The following ELMO1 variants were observed in gnomAD, a reference collection of about 807,000 sequenced individuals.
ELMO1 encodes the protein engulfment and cell motility 1.
Under a neutral mutation model 98.9 loss-of-function variants are expected in ELMO1, and 26 were observed. That is an observed-to-expected ratio of 0.26 (90% CI 0.19 to 0.36). ELMO1 has a LOEUF of 0.36. Ranked by LOEUF, ELMO1 falls within the 10% of genes least tolerant of loss-of-function variation. The pLI, the probability that ELMO1 is intolerant of heterozygous loss-of-function variation, is 1.00. For missense variants in ELMO1, 627 were observed against 935.2 expected, an observed-to-expected ratio of 0.67 and a Z score of 4.30; for synonymous variants, 346 against 346.0, an observed-to-expected ratio of 1.00 and a Z score of 0.00.
chr7:37,190,433 T>A (rs756352265), intron 13 of ELMO1, among the ~76,000 whole-genome samples: 2 of 152,240 alleles, frequency 1.3e-5, no homozygotes, highest in Non-Finnish European at 2.9e-5. Context: ...CAGATGAAGC[T>A]AAGCATATAC....
chr7:36,876,248 G>C (rs1803949326), intron 19 of ELMO1, among the ~76,000 whole-genome samples: 1 of 152,056 alleles, frequency 6.6e-6, no homozygotes, highest in African/African-American at 2.4e-5. Context: ...GCTGGTGTGA[G>C]TTTTTCAGAG....
intron 13 of ELMO1, among the ~76,000 whole-genome samples, chr7:37,189,655 T>A (rs549487095): frequency 1.5e-3 from 234 of 152,312 alleles, no homozygotes; most frequent in African/African-American, 5.0e-3. Context: ...GCTTAAGCAA[T>A]GATCTCCCAA....
At chr7:37,374,390 A>G (rs1802241109) in intron 1 of ELMO1, among the ~76,000 whole-genome samples, 1 of 152,168 alleles carries the variant, frequency 6.6e-6, no homozygotes, top group Non-Finnish European at 1.5e-5. Flanking sequence ...GCTAAAACCT[A>G]TATATGCTAT....
intron 20 of ELMO1, among the ~76,000 whole-genome samples, chr7:36,866,689 T>G (rs2129037427): frequency 6.6e-6 from 1 of 152,334 alleles, no homozygotes; most frequent in Admixed American, 6.5e-5. Flanking sequence ...ACCATGGGTC[T>G]CATGGCACAA....
At chr7:37,211,765 G>A (rs957140659) in intron 12 of ELMO1, among the ~76,000 whole-genome samples, 1 of 152,192 alleles carries the variant, frequency 6.6e-6, no homozygotes, top group African/African-American at 2.4e-5. Flanking sequence ...GTTATCTGGA[G>A]CACGAATATT....
chr7:37,219,575 T>G (rs116160135), intron 10 of ELMO1, among the ~76,000 whole-genome samples: 2 of 152,122 alleles, frequency 1.3e-5, no homozygotes, highest in Admixed American at 1.3e-4. Flanking sequence ...AGTGAGAAAA[T>G]GGGCTTGGTG....
chr7:37,089,726 T>C (rs189609143), intron 15 of ELMO1, among the ~76,000 whole-genome samples: 9 of 152,328 alleles, frequency 5.9e-5, no homozygotes, highest in African/African-American at 2.2e-4. Context: ...CTTCAATTTG[T>C]TATGGTTTTC....
chr7:37,401,254 T>G (rs1490424853), intron 1 of ELMO1, among the ~76,000 whole-genome samples: 1 of 152,172 alleles, frequency 6.6e-6, no homozygotes, highest in Non-Finnish European at 1.5e-5. Context: ...TCAGCCCTCA[T>G]GCACAGATAA....
At chr7:37,213,549 C>G in intron 11 of ELMO1, 92 bp from the exon 12 acceptor site, 2 of 1,239,976 alleles carry the variant, frequency 1.6e-6, no homozygotes, top group Non-Finnish European at 1.1e-6. Flanking sequence ...ACAGTCTTCA[C>G]TGGGAGGTAT....
Position 36,944,141 on chromosome 7 carries a change from A to G in ELMO1, c.1438-49124T>C, listed in dbSNP as rs6966988. On this transcript the variant is annotated intron_variant, in intron 16 of 21. Coordinates refer to ENST00000310758, the MANE Select transcript of ELMO1 (RefSeq NM_014800.11). Reference sequence around the variant, plus strand: ...ACGTTACATAGATTAACTATTCCTCATGGCAACTTTCCCTATTTTAAACAT... The same window carrying G: ...ACGTTACATAGATTAACTATTCCTCGTGGCAACTTTCCCTATTTTAAACAT... Among the ~76,000 whole-genome samples the G allele has an allele frequency of 3.6e-3, 555 of 152,268 alleles. 5 individuals carry two copies. Among genetic ancestry groups the G allele is most frequent in the African/African-American group, 0.013 (531 of 41,532 alleles).
At chr7:37,033,276 G>A (rs1016443062) in intron 15 of ELMO1, 11 of 413,414 alleles carry the variant, frequency 2.7e-5, no homozygotes, top group Admixed American at 1.7e-4. Context: ...CCCCCTTCCA[G>A]GGGATCCTTG....
intron 16 of ELMO1, among the ~76,000 whole-genome samples, chr7:36,976,680 G>A (rs1250405633): frequency 6.6e-6 from 1 of 152,156 alleles, no homozygotes; most frequent in Non-Finnish European, 1.5e-5. Flanking sequence ...AGGTGAGCAG[G>A]GGCCTTTCTT....
chr7:36,969,472 T>C (rs1789729160), intron 16 of ELMO1, among the ~76,000 whole-genome samples: 2 of 152,238 alleles, frequency 1.3e-5, no homozygotes, highest in Admixed American at 1.3e-4. Context: ...CAATTTAAGA[T>C]CTGTGTCATT....
In ELMO1 at chr7:37,436,602, C is replaced by T. The variant is rs181097920; in HGVS notation, c.-74+12073G>A. Among the ~76,000 whole-genome samples the T allele has an allele frequency of 5.3e-5, 8 of 152,360 alleles. No individual in the cohort carries two copies. In the East Asian group the frequency reaches 1.2e-3, roughly 22 times the overall value. On this transcript the variant is annotated intron_variant, in intron 1 of 21. Coordinates refer to ENST00000310758, the MANE Select transcript of ELMO1 (RefSeq NM_014800.11). ...CTCTTTTCAACCCACTCCTTAAAAGCTGTTACTAAGTGACTGTTTAATGGG... is the reference window on the plus strand; with the variant it reads ...CTCTTTTCAACCCACTCCTTAAAAGTTGTTACTAAGTGACTGTTTAATGGG...
At chr7:37,278,578 T>TA (rs1796977122) in intron 4 of ELMO1, among the ~76,000 whole-genome samples, 1 of 152,272 alleles carries the variant, frequency 6.6e-6, no homozygotes, top group African/African-American at 2.4e-5. Flanking sequence ...ATTCTACCTG[T>TA]GGACAGTAGA....
At position 37,267,036 on chromosome 7, in the gene ELMO1, TATACACACACACACACACACACAC is replaced by T. The variant is rs1250889303; in HGVS notation, c.243+4772_243+4795del. Among the ~76,000 whole-genome samples the T allele has an allele frequency of 9.3e-4, 25 of 26,928 alleles. 1 individual carries two copies. The highest frequency in any genetic ancestry group is 3.0e-3 in the African/African-American group (19 of 6,348). The allele number at this position is 26,928 out of a possible 152,430, so 17.7% of individuals were successfully genotyped here. A position where few individuals can be genotyped will look rare whatever the true frequency, so the allele number is the denominator to read the frequency against. ...TAAAAAAAAAAAAAAAATATGTATA[TATACACACACACACACACACACAC>T]ACACACACACACACACACACACACA... On this transcript the variant is annotated intron_variant, in intron 5 of 21. Coordinates refer to ENST00000310758, the MANE Select transcript of ELMO1 (RefSeq NM_014800.11).
At chr7:37,290,077 G>T (rs1047549954) in intron 4 of ELMO1, among the ~76,000 whole-genome samples, 1 of 152,176 alleles carries the variant, frequency 6.6e-6, no homozygotes. Context: ...CTTAAGAGCT[G>T]ATCCAAAGAT....
chr7:37,092,976 T>C (rs1245279803), intron 15 of ELMO1, among the ~76,000 whole-genome samples: 1 of 151,370 alleles, frequency 6.6e-6, no homozygotes, highest in Non-Finnish European at 1.5e-5. Flanking sequence ...AGATACGCAG[T>C]AGGTGCAAGT....
intron 14 of ELMO1, among the ~76,000 whole-genome samples, chr7:37,109,400 T>C (rs1785115399): frequency 6.6e-6 from 1 of 152,214 alleles, no homozygotes; most frequent in South Asian, 2.1e-4. Context: ...CTGTAAATGC[T>C]GTGAGTGAGA....
Sources: allele counts gnomAD v4.1 joint callset (sites outside exome capture counted in the v4.1 genomes callset), GRCh38; gene constraint gnomAD v4.1.1; transcripts MANE v1.5; gene names NCBI Gene and HGNC (gene_info 2026-07-23, HGNC 2026-07-21).